The following NXPH1 variants were observed in gnomAD, a reference collection of about 807,000 sequenced individuals.
The protein encoded by NXPH1 is neurexophilin 1.
A neutral mutation model predicts 23.7 loss-of-function variants in NXPH1; 5 were observed. The observed-to-expected ratio is 0.21, with a 90% CI of 0.11 to 0.44. The LOEUF (loss-of-function observed/expected upper bound fraction) is 0.44. NXPH1 is among the 20% of genes least tolerant of loss of function. The pLI is 0.99. For missense variants in NXPH1, 324 were observed against 321.6 expected, an observed-to-expected ratio of 1.01 and a Z score of -0.06; for synonymous variants, 144 against 122.2, an observed-to-expected ratio of 1.18 and a Z score of -1.18.
intron 2 of NXPH1, among the ~76,000 whole-genome samples, chr7:8,613,498 T>A (rs1391694823): frequency 3.9e-5 from 6 of 151,962 alleles, no homozygotes; most frequent in Non-Finnish European, 7.4e-5. Context: ...ACAGAGGGTA[T>A]TTTTATTATA....
chr7:8,485,112 A>G (rs557678826), intron 2 of NXPH1, among the ~76,000 whole-genome samples: 2 of 152,176 alleles, frequency 1.3e-5, no homozygotes, highest in East Asian at 3.9e-4. Flanking sequence ...CATGGGAGGG[A>G]CCCGGTGCAA....
rs562803275 is a variant in NXPH1 at position 8,519,496 on chromosome 7, A to C, written c.54+83729A>C. On this transcript the variant is annotated intron_variant, in intron 2 of 2. Coordinates refer to ENST00000405863, the MANE Select transcript of NXPH1 (RefSeq NM_152745.3). Reference sequence around the variant, plus strand: ...ACACATTTAAACTGAAGATACACTTAAACTAAGGGATTCCAAGGAAATAAA... The same window carrying C: ...ACACATTTAAACTGAAGATACACTTCAACTAAGGGATTCCAAGGAAATAAA... Among the ~76,000 whole-genome samples the C allele has an allele frequency of 8.0e-4, 122 of 152,350 alleles. 1 individual carries two copies. The highest frequency in any genetic ancestry group is 2.8e-3 in the African/African-American group (116 of 41,578).
intron 2 of NXPH1, among the ~76,000 whole-genome samples, chr7:8,497,923 A>G (rs1205099091): frequency 3.3e-5 from 5 of 152,090 alleles, no homozygotes; most frequent in African/African-American, 1.2e-4. Context: ...TGTTTTAGTC[A>G]TGAAGTCCTT....
intron 2 of NXPH1, among the ~76,000 whole-genome samples, chr7:8,461,479 A>G (rs192888682): frequency 2.4e-4 from 37 of 152,322 alleles, no homozygotes; most frequent in African/African-American, 8.9e-4. Flanking sequence ...AGATAGCGTT[A>G]TCTAGGTCAC....
intron 2 of NXPH1, among the ~76,000 whole-genome samples, chr7:8,513,803 A>G (rs993017799): frequency 5.3e-5 from 8 of 152,162 alleles, no homozygotes; most frequent in Admixed American, 3.9e-4. Context: ...TGCTCCATGT[A>G]TTCGTTTTCT....
intron 2 of NXPH1, among the ~76,000 whole-genome samples, chr7:8,452,628 G>A (rs1816526744): frequency 6.6e-6 from 1 of 152,122 alleles, no homozygotes; most frequent in Non-Finnish European, 1.5e-5. Context: ...CCTAGGCAAA[G>A]CCATTTAGGT....
At chr7:8,521,118 G>A (rs892337249) in intron 2 of NXPH1, among the ~76,000 whole-genome samples, 1 of 152,110 alleles carries the variant, frequency 6.6e-6, no homozygotes, top group African/African-American at 2.4e-5. Context: ...TAGTATATAT[G>A]AGGTGTAGTT....
At chr7:8,444,122 G>A (rs1816355729) in intron 2 of NXPH1, among the ~76,000 whole-genome samples, 1 of 152,238 alleles carries the variant, frequency 6.6e-6, no homozygotes, top group Non-Finnish European at 1.5e-5. Flanking sequence ...TGGCTGGGAA[G>A]TTCTGTCCGT....
chr7:8,436,006 C>A (rs951283093), intron 2 of NXPH1, among the ~76,000 whole-genome samples: 2 of 152,190 alleles, frequency 1.3e-5, no homozygotes, highest in African/African-American at 2.4e-5. Flanking sequence ...GGGGCTAGGG[C>A]GCCCCAGACA....
At chr7:8,627,557 A>G (rs539422213) in intron 2 of NXPH1, among the ~76,000 whole-genome samples, 1 of 152,254 alleles carries the variant, frequency 6.6e-6, no homozygotes, top group Non-Finnish European at 1.5e-5. Flanking sequence ...CAGAATGCCA[A>G]GGGGCTGGGA....
At chr7:8,748,564 G>C (rs1031039207) in intron 2 of NXPH1, among the ~76,000 whole-genome samples, 14 of 152,182 alleles carry the variant, frequency 9.2e-5, no homozygotes, top group Non-Finnish European at 1.3e-4. Flanking sequence ...TCCAGAGACT[G>C]ATTCTCCATT....
chr7:8,444,048 C>T (rs1052198680), intron 2 of NXPH1, among the ~76,000 whole-genome samples: 2 of 152,186 alleles, frequency 1.3e-5, no homozygotes, highest in Admixed American at 6.5e-5. Context: ...TTGATTTGAT[C>T]CAGAAATAAG....
chr7:8,465,047 C>T lies in NXPH1; in HGVS notation c.54+29280C>T, dbSNP rs189118645. Among the ~76,000 whole-genome samples the T allele has an allele frequency of 2.7e-3, 418 of 152,126 alleles. 2 individuals are homozygous for T. The highest frequency in any genetic ancestry group is 0.01 in the Middle Eastern group (3 of 294). ...GGAGACACGAAGACCTATTAAGAGG[C>T]GGATATAGATACCAGGACTTGGGAA... On this transcript the variant is annotated intron_variant, in intron 2 of 2. Coordinates refer to ENST00000405863, the MANE Select transcript of NXPH1 (RefSeq NM_152745.3).
intron 2 of NXPH1, among the ~76,000 whole-genome samples, chr7:8,672,433 C>T (rs187167419): frequency 1.3e-5 from 2 of 151,742 alleles, no homozygotes; most frequent in East Asian, 1.9e-4. Context: ...AACTAACCTG[C>T]ACATTGTGCA....
chr7:8,720,242 T>C (rs1045120809), intron 2 of NXPH1, among the ~76,000 whole-genome samples: 4 of 152,182 alleles, frequency 2.6e-5, no homozygotes, highest in East Asian at 1.9e-4. Context: ...CACCTTTCAT[T>C]TGGTAATACC....
chr7:8,560,017 A>C (rs1241000638), intron 2 of NXPH1, among the ~76,000 whole-genome samples: 1 of 151,714 alleles, frequency 6.6e-6, no homozygotes, highest in Non-Finnish European at 1.5e-5. Context: ...TGCCGTCTTT[A>C]GGCATTATTT....
chr7:8,618,266 A>C (rs1348315800), intron 2 of NXPH1, among the ~76,000 whole-genome samples: 1 of 152,132 alleles, frequency 6.6e-6, no homozygotes, highest in Non-Finnish European at 1.5e-5. Context: ...GAAATACAAC[A>C]TTTAATTTGA....
At chr7:8,669,915 G>T (rs955652186) in intron 2 of NXPH1, among the ~76,000 whole-genome samples, 3 of 152,158 alleles carry the variant, frequency 2.0e-5, no homozygotes, top group African/African-American at 7.2e-5. Flanking sequence ...AGGGATAGTT[G>T]TTCAAATTGA....
chr7:8,569,052 G>A (rs1479790407), intron 2 of NXPH1, among the ~76,000 whole-genome samples: 1 of 151,752 alleles, frequency 6.6e-6, no homozygotes, highest in Non-Finnish European at 1.5e-5. Context: ...GATGAAATTC[G>A]AACACAGAGT....
Sources: allele counts gnomAD v4.1 joint callset (sites outside exome capture counted in the v4.1 genomes callset), GRCh38; gene constraint gnomAD v4.1.1; transcripts MANE v1.5; gene names NCBI Gene and HGNC (gene_info 2026-07-23, HGNC 2026-07-21).